Variants in WDR70 observed in about 807,000 individuals in gnomAD.
The protein encoded by WDR70 is WD repeat domain 70.
WDR70 carries 53 observed loss-of-function variants against 88.6 expected under a neutral mutation model. The observed-to-expected ratio is 0.60, with a 90% CI of 0.48 to 0.75. WDR70 has a LOEUF of 0.75. Among genes scored for constraint, WDR70 ranks in the 30% least tolerant of loss-of-function variants. The pLI is 0.00. For synonymous variants in WDR70, 280 were observed against 270.0 expected, an observed-to-expected ratio of 1.04 and a Z score of -0.36; for missense variants, 610 against 823.2, an observed-to-expected ratio of 0.74 and a Z score of 3.17.
chr5:37,718,605 C>T (rs1412664232), intron 13 of WDR70, among the ~76,000 whole-genome samples: 1 of 152,156 alleles, frequency 6.6e-6, no homozygotes, highest in African/African-American at 2.4e-5. Context: ...TCTAGGACCA[C>T]ATTAGGAGGA....
intron 17 of WDR70, among the ~76,000 whole-genome samples, chr5:37,729,641 G>A (rs1337324078): frequency 6.6e-6 from 1 of 152,150 alleles, no homozygotes; most frequent in Non-Finnish European, 1.5e-5. Context: ...AGTTCTTCTT[G>A]TCTTTAGCCT....
chr5:37,557,957 A>ACTCTTTTGAATCCTC, intron 9 of WDR70, among the ~76,000 whole-genome samples: 1 of 139,252 alleles, frequency 7.2e-6, no homozygotes. Flanking sequence ...TCAAAAGAGT[A>ACTCTTTTGAATCCTC]TTATGTATAT....
At chr5:37,518,137 A>T (rs1444798442) in intron 9 of WDR70, among the ~76,000 whole-genome samples, 2 of 151,908 alleles carry the variant, frequency 1.3e-5, no homozygotes, top group East Asian at 3.9e-4. Context: ...CTGGTCACGA[A>T]CTCCTGAACT....
At chr5:37,661,742 G>C (rs2112577269) in intron 10 of WDR70, among the ~76,000 whole-genome samples, 1 of 152,296 alleles carries the variant, frequency 6.6e-6, no homozygotes, top group Admixed American at 6.5e-5. Context: ...TAACCAGTCT[G>C]GGTCGTGTTA....
chr5:37,418,845 C>A (rs1325583660), intron 5 of WDR70, among the ~76,000 whole-genome samples: 1 of 151,550 alleles, frequency 6.6e-6, no homozygotes. Flanking sequence ...CTCACTGCAA[C>A]CTCCGCCTCC....
At chr5:37,503,157 T>G (rs1740453891) in intron 8 of WDR70, among the ~76,000 whole-genome samples, 1 of 152,202 alleles carries the variant, frequency 6.6e-6, no homozygotes, top group South Asian at 2.1e-4. Context: ...TTTTCTTTTT[T>G]TGGTTACATT....
At chr5:37,586,373 C>T (rs992142812) in intron 9 of WDR70, among the ~76,000 whole-genome samples, 2 of 152,160 alleles carry the variant, frequency 1.3e-5, no homozygotes, top group Non-Finnish European at 2.9e-5. Flanking sequence ...CCTGTTTTTA[C>T]TTAACATCTC....
chr5:37,614,502 C>T (rs1038910503), intron 10 of WDR70, among the ~76,000 whole-genome samples: 2 of 152,078 alleles, frequency 1.3e-5, no homozygotes, highest in African/African-American at 4.8e-5. Context: ...ATTACTCAGC[C>T]TATCATAATG....
chr5:37,599,263 T>C (rs1358407821), intron 9 of WDR70, among the ~76,000 whole-genome samples: 1 of 152,210 alleles, frequency 6.6e-6, no homozygotes, highest in Non-Finnish European at 1.5e-5. Flanking sequence ...TTATAAACAC[T>C]TTGGACACAA....
At chr5:37,418,019 A>G (rs1320737658) in intron 5 of WDR70, among the ~76,000 whole-genome samples, 1 of 152,196 alleles carries the variant, frequency 6.6e-6, no homozygotes, top group Non-Finnish European at 1.5e-5. Context: ...AAAGTGAGGA[A>G]CTGGTTGAAC....
intron 10 of WDR70, chr5:37,688,116 A>T: frequency 2.2e-6 from 1 of 447,932 alleles, no homozygotes; most frequent in Non-Finnish European, 4.0e-6. Context: ...TTATTAATAA[A>T]GTATATATTG....
intron 13 of WDR70, among the ~76,000 whole-genome samples, chr5:37,719,120 T>C (rs1483845726): frequency 6.6e-6 from 1 of 152,140 alleles, no homozygotes; most frequent in Non-Finnish European, 1.5e-5. Flanking sequence ...TTTGTGACTC[T>C]CCTTATGTTT....
At chr5:37,701,281 G>T in intron 12 of WDR70, 139 bp downstream of exon 12, 1 of 563,068 alleles carries the variant, frequency 1.8e-6, no homozygotes, top group East Asian at 3.1e-5. Flanking sequence ...TCTGTTTTTT[G>T]AAAAATATGT....
At chr5:37,426,438 A>G (rs758000581) in intron 5 of WDR70, among the ~76,000 whole-genome samples, 4 of 152,240 alleles carry the variant, frequency 2.6e-5, no homozygotes, top group Non-Finnish European at 5.9e-5. Context: ...TTAAAAGAAT[A>G]GCCAGTATAA....
At chr5:37,443,924 G>C (rs928260686) in intron 7 of WDR70, among the ~76,000 whole-genome samples, 2 of 152,000 alleles carry the variant, frequency 1.3e-5, no homozygotes, top group African/African-American at 4.8e-5. Flanking sequence ...CAAGGTGGGT[G>C]GATCACCTGA....
At chr5:37,677,829 G>A (rs1328147894) in intron 10 of WDR70, among the ~76,000 whole-genome samples, 2 of 152,136 alleles carry the variant, frequency 1.3e-5, no homozygotes, top group South Asian at 4.1e-4. Flanking sequence ...GTTGACAGTG[G>A]GGTGTTAAAG....
chr5:37,571,684 T>G (rs1742909544), intron 9 of WDR70, among the ~76,000 whole-genome samples: 1 of 152,186 alleles, frequency 6.6e-6, no homozygotes, highest in Non-Finnish European at 1.5e-5. Context: ...GATAGACAGA[T>G]AGATGCCTTA....
At chr5:37,692,396 C>T (rs929630491) in intron 10 of WDR70, among the ~76,000 whole-genome samples, 2 of 152,132 alleles carry the variant, frequency 1.3e-5, no homozygotes, top group African/African-American at 4.8e-5. Context: ...ATACCAAAGG[C>T]TGGCAGAGAC....
chr5:37,698,485 A>G (rs1196733312), intron 11 of WDR70, among the ~76,000 whole-genome samples: 3 of 85,978 alleles, frequency 3.5e-5, no homozygotes, highest in Non-Finnish European at 2.8e-5. Context: ...TCACATAAGG[A>G]AAAGAAATAC....
Sources: allele counts gnomAD v4.1 joint callset (sites outside exome capture counted in the v4.1 genomes callset), GRCh38; gene constraint gnomAD v4.1.1; transcripts MANE v1.5; gene names NCBI Gene and HGNC (gene_info 2026-07-23, HGNC 2026-07-21).